The following PTPRT variants were observed in gnomAD, a reference collection of about 807,000 sequenced individuals.
PTPRT encodes protein tyrosine phosphatase receptor type T, also known as receptor-type tyrosine-protein phosphatase T.
PTPRT carries 56 observed loss-of-function variants against 176.8 expected under a neutral mutation model. The ratio of observed to expected loss-of-function variants is 0.32; its 90% CI spans 0.26 to 0.40. The LOEUF (loss-of-function observed/expected upper bound fraction) is 0.40, where lower values mean the gene tolerates loss of function less well. Among genes scored for constraint, PTPRT ranks in the 10% least tolerant of loss-of-function variants. The probability of loss-of-function intolerance (pLI) is 1.00; values close to 1 mark genes in which losing one functional copy is unlikely to be tolerated. For missense variants in PTPRT, 1,540 were observed against 1,908.2 expected, an observed-to-expected ratio of 0.81 and a Z score of 3.60; for synonymous variants, 783 against 739.0, an observed-to-expected ratio of 1.06 and a Z score of -0.96.
chr20:42,898,886 A>G (rs1467791195), intron 1 of PTPRT, among the ~76,000 whole-genome samples: 1 of 152,202 alleles, frequency 6.6e-6, no homozygotes, highest in Non-Finnish European at 1.5e-5. Flanking sequence ...GGGAGAGAAC[A>G]GTCACCTTCA....
intron 7 of PTPRT, among the ~76,000 whole-genome samples, chr20:42,610,575 C>T (rs577201796): frequency 2.8e-4 from 43 of 152,080 alleles, no homozygotes; most frequent in South Asian, 8.3e-4. Context: ...GTAACCTTTT[C>T]CAAACTAATC....
intron 16 of PTPRT, among the ~76,000 whole-genome samples, chr20:42,193,026 C>T (rs1271664428): frequency 6.6e-6 from 1 of 152,200 alleles, no homozygotes; most frequent in Non-Finnish European, 1.5e-5. Flanking sequence ...CTTCACTCGC[C>T]TTCATGGTAG....
chr20:43,128,588 G>A (rs977426378), intron 1 of PTPRT, among the ~76,000 whole-genome samples: 1 of 152,242 alleles, frequency 6.6e-6, no homozygotes, highest in East Asian at 1.9e-4. Flanking sequence ...AAATGAGAAA[G>A]TTCCAGCAAT....
chr20:42,333,773 C>T (rs977520597), intron 11 of PTPRT, among the ~76,000 whole-genome samples: 2 of 152,164 alleles, frequency 1.3e-5, no homozygotes, highest in South Asian at 2.1e-4. Context: ...CTGCCTCCTG[C>T]GTTCAAGCTA....
At chr20:43,085,716 C>T (rs575405819) in intron 1 of PTPRT, among the ~76,000 whole-genome samples, 13 of 152,112 alleles carry the variant, frequency 8.5e-5, no homozygotes, top group Non-Finnish European at 1.8e-4. Context: ...GCGAAAAACC[C>T]TCCCCCATGA....
At chr20:42,695,990 G>A (rs1448973105) in intron 6 of PTPRT, among the ~76,000 whole-genome samples, 3 of 152,030 alleles carry the variant, frequency 2.0e-5, no homozygotes, top group Non-Finnish European at 4.4e-5. Flanking sequence ...ATCACTTAGA[G>A]AGTGGGCTGG....
intron 16 of PTPRT, among the ~76,000 whole-genome samples, chr20:42,179,926 T>A (rs1341236694): frequency 6.6e-6 from 1 of 152,148 alleles, no homozygotes; most frequent in Non-Finnish European, 1.5e-5. Flanking sequence ...GGCAAGAAGA[T>A]GCAGAAATCA....
intron 7 of PTPRT, among the ~76,000 whole-genome samples, chr20:42,641,939 G>A (rs1040752642): frequency 6.6e-6 from 1 of 152,160 alleles, no homozygotes; most frequent in Admixed American, 6.5e-5. Context: ...TCTTCCAAGA[G>A]GACCCAGATA....
intron 2 of PTPRT, among the ~76,000 whole-genome samples, chr20:42,861,190 T>C (rs1159751211): frequency 1.3e-5 from 2 of 152,216 alleles, no homozygotes; most frequent in Non-Finnish European, 2.9e-5. Context: ...GCACCATTTC[T>C]ATTTCCTACC....
intron 6 of PTPRT, among the ~76,000 whole-genome samples, chr20:42,742,234 A>G (rs1457787295): frequency 6.6e-6 from 1 of 152,196 alleles, no homozygotes; most frequent in Non-Finnish European, 1.5e-5. Flanking sequence ...CTGACTGGAA[A>G]CTATGGCATT....
chr20:42,541,280 C>T (rs1390205239), intron 7 of PTPRT, among the ~76,000 whole-genome samples: 2 of 151,866 alleles, frequency 1.3e-5, no homozygotes, highest in Admixed American at 6.6e-5. Flanking sequence ...AAATGATGAG[C>T]ATTACATGGG....
At chr20:42,214,870 C>T (rs60363989) in intron 15 of PTPRT, among the ~76,000 whole-genome samples, 3,747 of 152,308 alleles carry the variant, frequency 0.025, 142 homozygotes, top group African/African-American at 0.086. Flanking sequence ...AGCCACACTG[C>T]CTAGACTGAA....
the PTPRT span, among the ~76,000 whole-genome samples, chr20:42,034,666 C>G: frequency 6.6e-6 from 1 of 152,110 alleles, no homozygotes; most frequent in Non-Finnish European, 1.5e-5. Context: ...TGACCTGCTG[C>G]TCTCACCCCC....
At chr20:42,311,836 G>A (rs1402833472) in intron 12 of PTPRT, among the ~76,000 whole-genome samples, 1 of 151,850 alleles carries the variant, frequency 6.6e-6, no homozygotes, top group African/African-American at 2.4e-5. Context: ...GTATAGATTG[G>A]AGAGCTGACT....
intron 7 of PTPRT, among the ~76,000 whole-genome samples, chr20:42,644,002 G>A (rs1424545482): frequency 6.6e-6 from 1 of 152,118 alleles, no homozygotes; most frequent in African/African-American, 2.4e-5. Flanking sequence ...CAGATTGAAG[G>A]AGTGAAGTGC....
intron 7 of PTPRT, among the ~76,000 whole-genome samples, chr20:42,517,352 C>T (rs1325449018): frequency 2.0e-5 from 3 of 151,712 alleles, no homozygotes; most frequent in Admixed American, 6.6e-5. Context: ...CATTTATAAT[C>T]GTATTTTTTC....
chr20:42,377,605 G>T (rs1427028510), intron 9 of PTPRT, among the ~76,000 whole-genome samples: 14 of 152,202 alleles, frequency 9.2e-5, no homozygotes, highest in Admixed American at 9.2e-4. Context: ...TAGACTTTCA[G>T]CTGCAAGCTC....
chr20:42,489,008 TTGTGTGTG>T (rs56267962), intron 7 of PTPRT, among the ~76,000 whole-genome samples: 30,756 of 130,868 alleles, frequency 0.24, 3,552 homozygotes, highest in Non-Finnish European at 0.26. Flanking sequence ...TCAACCAAGT[TTGTGTGTG>T]TGTGTGTGTG....
intron 1 of PTPRT, among the ~76,000 whole-genome samples, chr20:42,982,823 A>T (rs1983358043): frequency 1.3e-5 from 2 of 152,220 alleles, no homozygotes; most frequent in Admixed American, 1.3e-4. Context: ...CACGGAGAGC[A>T]GAGGTTGAGG....
Sources: gnomAD v4.1 joint callset for allele counts (sites outside exome capture counted in the v4.1 genomes callset) on GRCh38, gnomAD v4.1.1 for gene constraint, MANE v1.5 for transcripts, NCBI Gene and HGNC (gene_info 2026-07-23, HGNC 2026-07-21) for gene names.